PSMD14: variants seen among roughly 807,000 people sequenced by gnomAD.
PSMD14 encodes the protein ubiquitin C-terminal hydrolase PSMD14.
In PSMD14, 7 loss-of-function variants were observed where a neutral mutation model predicts 41.2. The observed-to-expected ratio is 0.17, with a 90% CI of 0.10 to 0.32. The LOEUF (loss-of-function observed/expected upper bound fraction) is 0.32, where lower values mean the gene tolerates loss of function less well. Ranked by LOEUF, PSMD14 falls within the 10% of genes least tolerant of loss-of-function variation. The pLI is 1.00. For missense variants in PSMD14, 139 were observed against 375.6 expected, an observed-to-expected ratio of 0.37 and a Z score of 5.21; for synonymous variants, 114 against 122.3, an observed-to-expected ratio of 0.93 and a Z score of 0.45.
Position 161,389,889 on chromosome 2 carries a change from G to GT in PSMD14, c.571-1192dup, listed in dbSNP as rs1162637393. ...TGTCTTATTTTCTTTCTTTTTTGTTGTTTTTTTTTTTTTTTTTTTTTTTAG... is the reference window on the plus strand; with the variant it reads ...TGTCTTATTTTCTTTCTTTTTTGTTGTTTTTTTTTTTTTTTTTTTTTTTTAG... On this transcript the variant is annotated intron_variant, in intron 8 of 11. Transcript: ENST00000409682. Among the ~76,000 whole-genome samples the GT allele has an allele frequency of 9.9e-3, 200 of 20,132 alleles. 13 individuals carry two copies. The highest frequency in any genetic ancestry group is 0.013 in the Non-Finnish European group (132 of 9,826). The allele number at this position is 20,132 out of a possible 152,430, so 13.2% of individuals were successfully genotyped here.
At chr2:161,338,202 CCAAG>C (rs1682895662) in intron 3 of PSMD14, among the ~76,000 whole-genome samples, 1 of 152,162 alleles carries the variant, frequency 6.6e-6, no homozygotes, top group African/African-American at 2.4e-5. Flanking sequence ...GAATTTCTCT[CCAAG>C]AATCCTTGGA....
At position 161,357,791 on chromosome 2, in the gene PSMD14, T is replaced by C. The variant is rs533896561; in HGVS notation, c.49-9687T>C. Among the ~76,000 whole-genome samples, 6 of 152,276 alleles carry C rather than the reference T, an allele frequency of 3.9e-5. No homozygotes were observed. The East Asian group carries it at 7.7e-4, about 20-fold the overall frequency. ...GAAAGACGAGACTATTTTATGTAGCTTAAGTACCTCTTTAGTTATACTGGT... is the reference window on the plus strand; with the variant it reads ...GAAAGACGAGACTATTTTATGTAGCCTAAGTACCTCTTTAGTTATACTGGT... On this transcript the variant is annotated intron_variant, in intron 3 of 11. Transcript: ENST00000409682.
intron 2 of PSMD14, 48 bp from the exon 3 acceptor site, chr2:161,318,774 A>C: frequency 6.8e-7 from 1 of 1,474,076 alleles, no homozygotes; most frequent in Non-Finnish European, 9.4e-7. Context: ...GCAATTGAAT[A>C]AACATTTTTG....
chr2:161,357,737 T>A (rs1486494698), intron 3 of PSMD14, among the ~76,000 whole-genome samples: 1 of 152,162 alleles, frequency 6.6e-6, no homozygotes, highest in Non-Finnish European at 1.5e-5. Flanking sequence ...GTCAGTGATG[T>A]GTGTGCTTAT....
intron 9 of PSMD14, among the ~76,000 whole-genome samples, chr2:161,392,678 T>C (rs1010445441): frequency 5.3e-5 from 8 of 152,158 alleles, no homozygotes; most frequent in African/African-American, 1.9e-4. Flanking sequence ...ACTTCCCCCT[T>C]GGCGCAAGGG....
At chr2:161,351,887 C>T (rs1293485588) in intron 3 of PSMD14, among the ~76,000 whole-genome samples, 1 of 152,120 alleles carries the variant, frequency 6.6e-6, no homozygotes, top group African/African-American at 2.4e-5. Flanking sequence ...CATACCTAAC[C>T]TCAAGAGGTT....
rs138609145 is a variant in PSMD14, at chr2:161,355,307, A to G, written c.49-12171A>G. Among the ~76,000 whole-genome samples the G allele has an allele frequency of 2.3e-3, 353 of 152,268 alleles. 1 individual carries two copies. The highest frequency in any genetic ancestry group is 8.2e-3 in the African/African-American group (340 of 41,568). ...GTACATAGTGTTAGGTATGTTTTCT[A>G]ATGTTTAATTCTTACTCTGATATTA... On this transcript the variant is annotated intron_variant, in intron 3 of 11. Transcript: ENST00000409682.
At chr2:161,343,404 G>C (rs1056002278) in intron 3 of PSMD14, among the ~76,000 whole-genome samples, 3 of 152,122 alleles carry the variant, frequency 2.0e-5, no homozygotes, top group Non-Finnish European at 2.9e-5. Flanking sequence ...TCCTTTTTAT[G>C]GTTGAATAAT....
intron 3 of PSMD14, among the ~76,000 whole-genome samples, chr2:161,325,983 C>CA (rs903542324): frequency 6.0e-5 from 9 of 151,072 alleles, no homozygotes; most frequent in Admixed American, 3.3e-4. Flanking sequence ...TTATTCTATA[C>CA]AAAAAAAAAT....
chr2:161,388,305 A>C (rs921928543), intron 8 of PSMD14, among the ~76,000 whole-genome samples: 1 of 152,102 alleles, frequency 6.6e-6, no homozygotes, highest in Non-Finnish European at 1.5e-5. Flanking sequence ...AAACAATTGC[A>C]CTAGAAAGGA....
chr2:161,368,003 C>T, intron 5 of PSMD14, 100 bp downstream of exon 5: 1 of 1,314,520 alleles, frequency 7.6e-7, no homozygotes, highest in Non-Finnish European at 1.0e-6. Context: ...TTTCTCTTTC[C>T]AGTAGGAAAA....
chr2:161,388,415 A>T (rs1325610492), intron 8 of PSMD14, among the ~76,000 whole-genome samples: 2 of 152,132 alleles, frequency 1.3e-5, no homozygotes, highest in East Asian at 1.9e-4. Context: ...ACTCATAACC[A>T]GACTGCTTCA....
chr2:161,389,895 T>G lies in PSMD14; in HGVS notation c.571-1209T>G, dbSNP rs867199608. 3.6e-4 allele frequency among the ~76,000 whole-genome samples: 34 copies of G among 93,968 alleles called. 1 individual carries two copies. The highest frequency in any genetic ancestry group is 6.4e-4 in the East Asian group (2 of 3,142). The allele number at this position is 93,968 out of a possible 152,430, so 61.6% of individuals were successfully genotyped here. A position where few individuals can be genotyped will look rare whatever the true frequency, so the allele number is the denominator to read the frequency against. On this transcript the variant is annotated intron_variant, in intron 8 of 11. Coordinates refer to ENST00000409682, the MANE Select transcript of PSMD14 (RefSeq NM_005805.6). ...ATTTTCTTTCTTTTTTGTTGTTTTT[T>G]TTTTTTTTTTTTTTTTTAGAGATGG... is the stretch of plus-strand genomic sequence containing the variant.
intron 6 of PSMD14, 139 bp from the exon 7 acceptor site, chr2:161,371,033 G>A: frequency 4.5e-6 from 4 of 892,452 alleles, no homozygotes; most frequent in Non-Finnish European, 6.7e-6. Context: ...ACAATTTCAG[G>A]GTTTCTAATG....
chr2:161,367,938 T>C (rs1683381189), intron 5 of PSMD14, 35 bp downstream of exon 5: 2 of 1,586,178 alleles, frequency 1.3e-6, no homozygotes, highest in African/African-American at 1.3e-5. Context: ...TGCAAGTAAA[T>C]GTGTTTCTTT....
At chr2:161,325,912 A>G (rs1682688150) in intron 3 of PSMD14, among the ~76,000 whole-genome samples, 1 of 152,224 alleles carries the variant, frequency 6.6e-6, no homozygotes, top group African/African-American at 2.4e-5. Context: ...AGGCCTGTTC[A>G]TTAGATGATG....
chr2:161,404,321 T>C (rs1683921178), intron 10 of PSMD14, among the ~76,000 whole-genome samples: 1 of 152,226 alleles, frequency 6.6e-6, no homozygotes, highest in Non-Finnish European at 1.5e-5. Context: ...AGATGCTCAA[T>C]AAGTATTTAT....
chr2:161,400,809 G>T (rs1051653735), intron 10 of PSMD14, among the ~76,000 whole-genome samples: 1 of 151,820 alleles, frequency 6.6e-6, no homozygotes, highest in African/African-American at 2.4e-5. Context: ...GCTTCCCAAA[G>T]TGCTGGGATT....
intron 11 of PSMD14, among the ~76,000 whole-genome samples, 178 bp from the exon 12 acceptor site, chr2:161,411,119 TACTTA>T (rs933399436): frequency 1.2e-4 from 18 of 152,288 alleles, no homozygotes; most frequent in East Asian, 3.9e-4. Flanking sequence ...TTTTATTAGC[TACTTA>T]ACTTTTTGAT....
Sources: allele counts gnomAD v4.1 joint callset (sites outside exome capture counted in the v4.1 genomes callset), GRCh38; gene constraint gnomAD v4.1.1; transcripts MANE v1.5; gene names NCBI Gene and HGNC (gene_info 2026-07-23, HGNC 2026-07-21).